Variants in VAPB observed in about 807,000 individuals in gnomAD.
VAPB encodes VAMP associated protein B and C, also known as vesicle-associated membrane protein-associated protein B/C.
VAPB carries 7 observed loss-of-function variants against 25.6 expected under a neutral mutation model. The observed-to-expected ratio is 0.27, with a 90% confidence interval of 0.16 to 0.51. The LOEUF is 0.51. Among genes scored for constraint, VAPB ranks in the 20% least tolerant of loss-of-function variants. The probability of loss-of-function intolerance (pLI) is 0.97; values close to 1 mark genes in which losing one functional copy is unlikely to be tolerated. For missense variants in VAPB, 266 were observed against 301.3 expected, an observed-to-expected ratio of 0.88 and a Z score of 0.87; for synonymous variants, 112 against 109.2, an observed-to-expected ratio of 1.03 and a Z score of -0.16.
chr20:58,413,800 C>T (rs1280775501), intron 1 of VAPB, among the ~76,000 whole-genome samples: 17 of 147,708 alleles, frequency 1.2e-4, no homozygotes, highest in Admixed American at 4.7e-4. Context: ...CCCTCCCGGA[C>T]GGGGCAGCTG....
At chr20:58,443,737 A>G (rs1050161421) in intron 5 of VAPB, among the ~76,000 whole-genome samples, 4 of 152,152 alleles carry the variant, frequency 2.6e-5, no homozygotes, top group African/African-American at 9.7e-5. Flanking sequence ...AGACATGGCC[A>G]TAGAGGTGGG....
intron 2 of VAPB, among the ~76,000 whole-genome samples, chr20:58,423,948 C>G (rs974020294): frequency 6.6e-6 from 1 of 152,096 alleles, no homozygotes; most frequent in Non-Finnish European, 1.5e-5. Flanking sequence ...AGCTTAATTA[C>G]GCTTTTAAGG....
chr20:58,428,130 A>G (rs1988848072), intron 2 of VAPB, among the ~76,000 whole-genome samples: 1 of 152,220 alleles, frequency 6.6e-6, no homozygotes, highest in Non-Finnish European at 1.5e-5. Flanking sequence ...TGTATGTTTT[A>G]AGTAGCGTAT....
chr20:58,426,180 G>A (rs1988778813), intron 2 of VAPB, among the ~76,000 whole-genome samples: 1 of 152,184 alleles, frequency 6.6e-6, no homozygotes. Context: ...ACAGGTGTGA[G>A]CCACTGCACC....
intron 1 of VAPB, among the ~76,000 whole-genome samples, chr20:58,412,570 C>G (rs1379591379): frequency 8.8e-5 from 2 of 22,856 alleles, no homozygotes; most frequent in Non-Finnish European, 2.0e-4. Context: ...GAGTGAGACT[C>G]TGTCTCAAAA....
intron 3 of VAPB, among the ~76,000 whole-genome samples, 199 bp from the exon 4 acceptor site, chr20:58,438,746 T>A (rs144409893): frequency 6.6e-6 from 1 of 152,326 alleles, no homozygotes; most frequent in Non-Finnish European, 1.5e-5. Flanking sequence ...GTTTATGAAG[T>A]GTAATATTTT....
At chr20:58,410,007 T>G (rs1470689335) in intron 1 of VAPB, among the ~76,000 whole-genome samples, 2 of 151,790 alleles carry the variant, frequency 1.3e-5, no homozygotes, top group Non-Finnish European at 2.9e-5. Flanking sequence ...CTACCGAAAG[T>G]GAATTAATAT....
rs137905943 is a variant in VAPB, at chr20:58,401,036, G to A, written c.58+11519G>A. Among the ~76,000 whole-genome samples the A allele has an allele frequency of 6.7e-3, 1,027 of 152,358 alleles. 15 individuals are homozygous for A. The highest frequency in any genetic ancestry group is 0.024 in the African/African-American group (980 of 41,582). ...TTGCGGGCAGGAGGATCCCATCTTA[G>A]TGCATAGTTCACCTCTAACCTCGCT... On this transcript the variant is annotated intron_variant, in intron 1 of 5. Coordinates refer to ENST00000475243, the MANE Select transcript of VAPB (RefSeq NM_004738.5).
rs1433006831 is a variant in VAPB at position 58,450,863 on chromosome 20, A to T, written c.*6628A>T. 1 of 454,120 alleles carries T rather than the reference A, an allele frequency of 2.2e-6. No homozygotes were observed. The highest frequency in any genetic ancestry group is 4.4e-6 in the Non-Finnish European group (1 of 226,792). 28.1% of individuals were successfully genotyped at this position (454,120 alleles called of 1,614,324 possible). A position where few individuals can be genotyped will look rare whatever the true frequency, so the allele number is the denominator to read the frequency against. ...AAGTTGGTGCAGGAAAGGACTCTTT[A>T]CTGTTGCACATTTTGGTTTTCTGAT... On this transcript the variant is annotated 3_prime_UTR_variant, in exon 6 of 6. Coordinates refer to ENST00000475243, the MANE Select transcript of VAPB (RefSeq NM_004738.5).
At chr20:58,407,628 A>G (rs1050282047) in intron 1 of VAPB, among the ~76,000 whole-genome samples, 5 of 151,986 alleles carry the variant, frequency 3.3e-5, no homozygotes, top group East Asian at 3.8e-4. Flanking sequence ...TCTGTACTCC[A>G]TATCTGCTGA....
At chr20:58,405,961 G>GT (rs887617887) in intron 1 of VAPB, among the ~76,000 whole-genome samples, 11 of 152,024 alleles carry the variant, frequency 7.2e-5, no homozygotes, top group Admixed American at 7.2e-4. Context: ...TAGATTAAAT[G>GT]TAGAGGAATA....
chr20:58,447,336 G>A lies in VAPB; in HGVS notation c.*3101G>A, dbSNP rs1568724343. On this transcript the variant is annotated 3_prime_UTR_variant, in exon 6 of 6. Transcript: ENST00000475243. ...TTTAACTTTTTTCTCCTCCTAGTTT[G>A]CATGTTTTCCTTCTCTCGTCTTCTG... 2.2e-6 allele frequency: 1 copy of A among 454,080 alleles called. No homozygotes were observed. The highest frequency in any genetic ancestry group is 4.4e-6 in the Non-Finnish European group (1 of 226,790). The allele number at this position is 454,080 out of a possible 1,614,324, so 28.1% of individuals were successfully genotyped here.
intron 2 of VAPB, among the ~76,000 whole-genome samples, chr20:58,423,844 T>C (rs1176979658): frequency 6.6e-6 from 1 of 152,236 alleles, no homozygotes; most frequent in Non-Finnish European, 1.5e-5. Context: ...ACAACTCACA[T>C]TCATACTTTA....
Position 58,445,421 on chromosome 20 carries a change from C to T in VAPB, c.*1186C>T, listed in dbSNP as rs1025720280. ...GGAGCAAGGGAAGAGAGAAACTCTT[C>T]AGCGAATCCTTCTAGTACTAGTTGA... On this transcript the variant is annotated 3_prime_UTR_variant, in exon 6 of 6. Coordinates refer to ENST00000475243, the MANE Select transcript of VAPB (RefSeq NM_004738.5). 2.6e-5 allele frequency: 12 copies of T among 454,342 alleles called. No individual in the cohort carries two copies. Among genetic ancestry groups the T allele is most frequent in the African/African-American group, 2.4e-4 (12 of 49,974 alleles). The allele number at this position is 454,342 out of a possible 1,614,324, so 28.1% of individuals were successfully genotyped here.
At chr20:58,414,938 G>C (rs372640550) in intron 1 of VAPB, among the ~76,000 whole-genome samples, 6 of 152,254 alleles carry the variant, frequency 3.9e-5, no homozygotes, top group African/African-American at 1.2e-4. Context: ...GGGCACCACC[G>C]AGCACTGAGT....
intron 2 of VAPB, among the ~76,000 whole-genome samples, chr20:58,425,727 C>G (rs1475020502): frequency 6.6e-6 from 1 of 152,036 alleles, no homozygotes; most frequent in Non-Finnish European, 1.5e-5. Flanking sequence ...CACTTGGGGA[C>G]CTGTTAGAAA....
chr20:58,410,686 A>ATT (rs1345059006), intron 1 of VAPB, among the ~76,000 whole-genome samples: 2 of 151,922 alleles, frequency 1.3e-5, no homozygotes, highest in African/African-American at 4.8e-5. Context: ...CAGCCTCCCA[A>ATT]AGTGCTGGAT....
At chr20:58,443,699 A>G (rs1989211736) in intron 5 of VAPB, among the ~76,000 whole-genome samples, 1 of 152,040 alleles carries the variant, frequency 6.6e-6, no homozygotes, top group South Asian at 2.1e-4. Context: ...AAGGACAGAG[A>G]GGTTGGGGTT....
At chr20:58,439,099 C>T in intron 4 of VAPB, 74 bp downstream of exon 4, 3 of 1,416,238 alleles carry the variant, frequency 2.1e-6, no homozygotes, top group Non-Finnish European at 3.0e-6. Context: ...TCCTGCAAAA[C>T]CAAGATTTAA....
Sources: gnomAD v4.1 joint callset for allele counts (sites outside exome capture counted in the v4.1 genomes callset) on GRCh38, gnomAD v4.1.1 for gene constraint, MANE v1.5 for transcripts, NCBI Gene and HGNC (gene_info 2026-07-23, HGNC 2026-07-21) for gene names.